The following CTNNA3 variants were observed in gnomAD, a reference collection of about 807,000 sequenced individuals.
CTNNA3 encodes catenin alpha-3.
A neutral mutation model predicts 95.7 loss-of-function variants in CTNNA3; 76 were observed. That is an observed-to-expected ratio of 0.79 (90% CI 0.66 to 0.96). The LOEUF (loss-of-function observed/expected upper bound fraction) is 0.96, where lower values mean the gene tolerates loss of function less well. Ranked by LOEUF, CTNNA3 falls within the 40% of genes least tolerant of loss-of-function variation. The pLI, the probability that CTNNA3 is intolerant of heterozygous loss-of-function variation, is 0.00. For synonymous variants in CTNNA3, 431 were observed against 374.4 expected, an observed-to-expected ratio of 1.15 and a Z score of -1.74; for missense variants, 1,191 against 1,089.8, an observed-to-expected ratio of 1.09 and a Z score of -1.31.
At chr10:66,639,936 A>T (rs1329277158) in intron 9 of CTNNA3, among the ~76,000 whole-genome samples, 1 of 152,082 alleles carries the variant, frequency 6.6e-6, no homozygotes, top group Non-Finnish European at 1.5e-5. Context: ...TCTCTTCTAC[A>T]ATTATACTAC....
At chr10:66,806,195 G>A (rs540990819) in intron 7 of CTNNA3, among the ~76,000 whole-genome samples, 5 of 151,652 alleles carry the variant, frequency 3.3e-5, no homozygotes, top group Non-Finnish European at 7.4e-5. Context: ...AAATACTGAA[G>A]TTAGAGCATG....
intron 6 of CTNNA3, among the ~76,000 whole-genome samples, chr10:67,207,427 A>G (rs1458324273): frequency 6.6e-6 from 1 of 152,212 alleles, no homozygotes; most frequent in Non-Finnish European, 1.5e-5. Flanking sequence ...ATAGAACTTT[A>G]TAAAATAAAG....
chr10:67,482,094 T>C (rs1848255773), intron 5 of CTNNA3, among the ~76,000 whole-genome samples: 1 of 152,080 alleles, frequency 6.6e-6, no homozygotes, highest in Non-Finnish European at 1.5e-5. Context: ...CTCTGTTCTG[T>C]TCCATTGATC....
rs869190136 is a variant in CTNNA3 at position 67,302,095 on chromosome 10, G to GAA, written c.580-82227_580-82226dup. Among the ~76,000 whole-genome samples, 21 of 144,070 alleles carry GAA rather than the reference G, an allele frequency of 1.5e-4. 1 individual carries two copies. Among genetic ancestry groups the GAA allele is most frequent in the African/African-American group, 4.5e-4 (18 of 39,696 alleles). 94.5% of individuals were successfully genotyped at this position (144,070 alleles called of 152,430 possible). ...AGAAAGAAAGAAAGAAAGAAAGAAA[G>GAA]AAAATCCTTTCATTTGCAACAATAG... On this transcript the variant is annotated intron_variant, in intron 5 of 17. Transcript: ENST00000433211.
chr10:66,108,248 CA>C (rs2081984153), intron 13 of CTNNA3, among the ~76,000 whole-genome samples: 1 of 152,026 alleles, frequency 6.6e-6, no homozygotes, highest in African/African-American at 2.4e-5. Context: ...CACACACAAA[CA>C]AACACTGAAG....
At chr10:66,592,355 G>C (rs1843581864) in intron 10 of CTNNA3, among the ~76,000 whole-genome samples, 2 of 152,108 alleles carry the variant, frequency 1.3e-5, no homozygotes, top group South Asian at 2.1e-4. Context: ...TATTTGAAAA[G>C]GACATAAGCA....
In CTNNA3 at chr10:66,285,351, A is replaced by T. The variant is rs116322367; in HGVS notation, c.1733-4730T>A. 6.1e-3 allele frequency among the ~76,000 whole-genome samples: 930 copies of T among 151,956 alleles called. 7 individuals carry two copies. Among genetic ancestry groups the T allele is most frequent in the African/African-American group, 0.021 (873 of 41,494 alleles). On this transcript the variant is annotated intron_variant, in intron 12 of 17. Coordinates refer to ENST00000433211, the MANE Select transcript of CTNNA3 (RefSeq NM_013266.4). ...TAATTAGCCTGAGTGTCCACCTTTG[A>T]GTCTCTCCAGTGACTTAGAAACTCA...
intron 9 of CTNNA3, among the ~76,000 whole-genome samples, chr10:66,667,221 G>A (rs1846486634): frequency 1.3e-5 from 2 of 151,522 alleles, no homozygotes; most frequent in Non-Finnish European, 2.9e-5. Context: ...GTTACTATAA[G>A]AGCACAAAGT....
At chr10:66,413,770 A>G (rs1364965661) in intron 11 of CTNNA3, among the ~76,000 whole-genome samples, 1 of 152,216 alleles carries the variant, frequency 6.6e-6, no homozygotes, top group Non-Finnish European at 1.5e-5. Context: ...AGTGTCCCAC[A>G]AAGGAAAGTG....
chr10:66,669,313 G>A (rs1846573118), intron 9 of CTNNA3, among the ~76,000 whole-genome samples: 1 of 152,080 alleles, frequency 6.6e-6, no homozygotes, highest in Non-Finnish European at 1.5e-5. Flanking sequence ...GGAGGCCGAG[G>A]CTGATGGATC....
intron 7 of CTNNA3, among the ~76,000 whole-genome samples, chr10:66,824,005 T>C (rs1392849242): frequency 1.3e-5 from 2 of 151,744 alleles, no homozygotes; most frequent in African/African-American, 2.4e-5. Context: ...TGTTCTTTCA[T>C]TTGTCTCAAA....
At chr10:66,994,153 T>A (rs563598656) in intron 7 of CTNNA3, among the ~76,000 whole-genome samples, 1 of 152,162 alleles carries the variant, frequency 6.6e-6, no homozygotes, top group African/African-American at 2.4e-5. Context: ...TATATTCTTA[T>A]AGAAGGTCCC....
At chr10:67,040,272 T>C (rs574533534) in intron 7 of CTNNA3, among the ~76,000 whole-genome samples, 1 of 152,240 alleles carries the variant, frequency 6.6e-6, no homozygotes, top group South Asian at 2.1e-4. Flanking sequence ...CCAGATAAGA[T>C]GAATTACTGT....
chr10:66,104,804 G>A (rs1197675468), intron 13 of CTNNA3, among the ~76,000 whole-genome samples: 1 of 152,218 alleles, frequency 6.6e-6, no homozygotes, highest in Non-Finnish European at 1.5e-5. Context: ...CATCTCCTTA[G>A]ACTAGCTCTG....
At chr10:67,185,041 G>A (rs1862767447) in intron 6 of CTNNA3, among the ~76,000 whole-genome samples, 1 of 152,084 alleles carries the variant, frequency 6.6e-6, no homozygotes, top group Non-Finnish European at 1.5e-5. Flanking sequence ...CTAGAATATA[G>A]ATCTGATATA....
chr10:67,534,603 T>C (rs1840434492), intron 4 of CTNNA3, among the ~76,000 whole-genome samples: 1 of 152,188 alleles, frequency 6.6e-6, no homozygotes, highest in Non-Finnish European at 1.5e-5. Context: ...TCCGTCTTCC[T>C]GTAAGTTTCT....
rs557786298 is a variant in CTNNA3 at position 66,942,254 on chromosome 10, C to T, written c.1048-166730G>A. 1.4e-4 allele frequency among the ~76,000 whole-genome samples: 22 copies of T among 152,236 alleles called. 1 individual carries two copies. In the South Asian group the frequency reaches 4.1e-3, roughly 29 times the overall value. On this transcript the variant is annotated intron_variant, in intron 7 of 17. Transcript: ENST00000433211. ...ATTCTCACATTAAACACATAAATTG[C>T]CAAGTCTGCAATATATAAAAAATGA...
At chr10:67,211,979 C>T (rs1040187876) in intron 6 of CTNNA3, among the ~76,000 whole-genome samples, 4 of 151,984 alleles carry the variant, frequency 2.6e-5, no homozygotes, top group African/African-American at 9.7e-5. Context: ...ATGTAAGATG[C>T]TAGTACCTTA....
intron 5 of CTNNA3, among the ~76,000 whole-genome samples, chr10:67,342,368 C>T (rs976544929): frequency 6.6e-5 from 10 of 152,072 alleles, no homozygotes; most frequent in African/African-American, 2.4e-4. Context: ...TCCCAAAGTG[C>T]TGGGATTACA....
Sources: allele counts gnomAD v4.1 joint callset (sites outside exome capture counted in the v4.1 genomes callset), GRCh38; gene constraint gnomAD v4.1.1; transcripts MANE v1.5; gene names NCBI Gene and HGNC (gene_info 2026-07-23, HGNC 2026-07-21).